Variants in CLPB observed in about 807,000 individuals in gnomAD.
CLPB encodes mitochondrial disaggregase.
In CLPB, 40 loss-of-function variants were observed where a neutral mutation model predicts 78.4. That is an observed-to-expected ratio of 0.51 (90% CI 0.40 to 0.66). The LOEUF (loss-of-function observed/expected upper bound fraction) is 0.66. Ranked by LOEUF, CLPB falls within the 30% of genes least tolerant of loss-of-function variation. The pLI is 0.00. For synonymous variants in CLPB, 333 were observed against 348.0 expected (o/e 0.96, Z 0.48); for missense variants, 780 against 886.9 (o/e 0.88, Z 1.53).
intron 2 of CLPB, among the ~76,000 whole-genome samples, chr11:72,430,070 C>T (rs1474917330): frequency 6.6e-6 from 1 of 152,168 alleles, no homozygotes; most frequent in Non-Finnish European, 1.5e-5. Context: ...CAAACCAACC[C>T]AGTGAAGAAC....
chr11:72,425,635 G>A (rs767440550), intron 2 of CLPB, among the ~76,000 whole-genome samples: 1 of 152,112 alleles, frequency 6.6e-6, no homozygotes, highest in Non-Finnish European at 1.5e-5. Context: ...AGGGACAAAC[G>A]GAGAGTCAAT....
intron 2 of CLPB, among the ~76,000 whole-genome samples, chr11:72,404,192 G>A (rs1855638168): frequency 6.6e-6 from 1 of 152,172 alleles, no homozygotes; most frequent in Non-Finnish European, 1.5e-5. Flanking sequence ...AGTATGACAT[G>A]CACTTGGTCC....
chr11:72,373,182 C>T (rs986325676), intron 4 of CLPB, among the ~76,000 whole-genome samples: 1 of 152,188 alleles, frequency 6.6e-6, no homozygotes, highest in African/African-American at 2.4e-5. Context: ...TCAGCTGCCA[C>T]TTGGAGCTGA....
intron 2 of CLPB, among the ~76,000 whole-genome samples, chr11:72,413,681 C>T (rs1225911125): frequency 2.0e-5 from 3 of 152,202 alleles, no homozygotes; most frequent in African/African-American, 7.2e-5. Flanking sequence ...CAGGACCAAA[C>T]ACTGCATATG....
At chr11:72,342,162 T>G (rs1301887919) in intron 5 of CLPB, among the ~76,000 whole-genome samples, 1 of 152,110 alleles carries the variant, frequency 6.6e-6, no homozygotes, top group Non-Finnish European at 1.5e-5. Context: ...TTGGACGCAT[T>G]GAGGATGAGA....
intron 5 of CLPB, among the ~76,000 whole-genome samples, chr11:72,356,266 G>A (rs1201702031): frequency 7.9e-5 from 11 of 138,440 alleles, no homozygotes; most frequent in South Asian, 4.8e-4. Flanking sequence ...CAATAAGAGC[G>A]AAAATCTGTC....
intron 7 of CLPB, among the ~76,000 whole-genome samples, chr11:72,314,972 G>T (rs1419660889): frequency 1.3e-5 from 2 of 152,176 alleles, no homozygotes; most frequent in Non-Finnish European, 2.9e-5. Flanking sequence ...GTTTTGCAAA[G>T]ATCACTCCAA....
At chr11:72,321,083 GAT>G (rs60429700) in intron 6 of CLPB, among the ~76,000 whole-genome samples, 1 of 151,364 alleles carries the variant, frequency 6.6e-6, no homozygotes. Flanking sequence ...AAATACTTGA[GAT>G]ATATATATAT....
At position 72,317,189 on chromosome 11, in the gene CLPB, T is replaced by G. The variant is rs745539947; in HGVS notation, c.905A>C (p.Glu302Ala). ...YQEKQRKREA[E>A]ERRRFPLEQR... ...CTCCAGGGGGAAGCGGCGCCGCTCC[T>G]CAGCCTCACGCTTCCGCTGCTTCTC... Residue 302 changes from glutamate to alanine, a missense_variant, in exon 7 of 16, where the codon GAG (glutamate) becomes GCG (alanine). Around this residue, in one of 3 missense-constraint regions of CLPB, gnomAD observed 417 missense variants for 414.7 expected, o/e 1.01. Transcript: ENST00000538039. 2 of 1,612,046 alleles carry G rather than the reference T, an allele frequency of 1.2e-6. No homozygotes were observed. The highest frequency in any genetic ancestry group is 1.7e-6 in the Non-Finnish European group (2 of 1,179,444).
intron 3 of CLPB, among the ~76,000 whole-genome samples, chr11:72,382,767 A>C (rs1193551844): frequency 6.6e-6 from 1 of 152,216 alleles, no homozygotes; most frequent in African/African-American, 2.4e-5. Flanking sequence ...CTACTTTTTC[A>C]CATGCTCAGA....
intron 3 of CLPB, among the ~76,000 whole-genome samples, chr11:72,397,778 T>G (rs1420375781): frequency 1.3e-5 from 2 of 152,210 alleles, no homozygotes; most frequent in African/African-American, 4.8e-5. Flanking sequence ...TACAGCTCCT[T>G]TTTTATGAAT....
intron 11 of CLPB, among the ~76,000 whole-genome samples, chr11:72,296,670 C>A (rs1949556308): frequency 6.6e-6 from 1 of 152,216 alleles, no homozygotes; most frequent in Non-Finnish European, 1.5e-5. Context: ...CACAGATGCT[C>A]TGCTTAGTGC....
chr11:72,345,417 G>C (rs1026761747), intron 5 of CLPB, among the ~76,000 whole-genome samples: 1 of 152,072 alleles, frequency 6.6e-6, no homozygotes, highest in African/African-American at 2.4e-5. Context: ...ACTGCAAAGC[G>C]ACATATACAG....
intron 4 of CLPB, among the ~76,000 whole-genome samples, chr11:72,364,503 G>A (rs565732606): frequency 5.9e-5 from 9 of 151,328 alleles, no homozygotes; most frequent in South Asian, 4.2e-4. Context: ...CACTGCGCCC[G>A]GCCAAAAAAT....
In CLPB at chr11:72,408,319, G is replaced by T. The variant is rs1855770389; in HGVS notation, c.456-5267C>A. On this transcript the variant is annotated intron_variant, in intron 2 of 15. Transcript: ENST00000538039. The stretch of plus-strand genomic sequence containing the variant: ...AAGATATTAATCCCTCTTGTGCAAG[G>T]TGGTCGTAAGGATTAAAACAGAATT... 18 of 774,396 alleles carry T rather than the reference G, an allele frequency of 2.3e-5. No individual in the cohort carries two copies. In the East Asian group the frequency reaches 4.9e-4, roughly 21 times the overall value. The allele number at this position is 774,396 out of a possible 1,614,324, so 48.0% of individuals were successfully genotyped here.
chr11:72,430,192 CA>C, intron 2 of CLPB, 119 bp downstream of exon 2: 1 of 920,794 alleles, frequency 1.1e-6, no homozygotes, highest in Non-Finnish European at 1.7e-6. Context: ...AGAGATGTCA[CA>C]GGGGACAGTT....
At chr11:72,374,982 A>AC (rs1854639322) in intron 4 of CLPB, among the ~76,000 whole-genome samples, 2 of 151,968 alleles carry the variant, frequency 1.3e-5, no homozygotes, top group Non-Finnish European at 2.9e-5. Context: ...CTAACTATTC[A>AC]CTCAAATTGG....
At chr11:72,363,089 G>C (rs1418654037) in intron 4 of CLPB, among the ~76,000 whole-genome samples, 1 of 152,108 alleles carries the variant, frequency 6.6e-6, no homozygotes, top group South Asian at 2.1e-4. Context: ...CAGGAAGGCA[G>C]AGGTTGCAGT....
intron 5 of CLPB, among the ~76,000 whole-genome samples, chr11:72,355,849 G>A (rs1349069862): frequency 6.6e-6 from 1 of 152,200 alleles, no homozygotes; most frequent in African/African-American, 2.4e-5. Flanking sequence ...CTAAATCCCT[G>A]AGGACTAAGT....
Sources: allele counts gnomAD v4.1 joint callset (sites outside exome capture counted in the v4.1 genomes callset), GRCh38; gene constraint gnomAD v4.1.1; regional missense constraint gnomAD v4.1.1; transcripts MANE v1.5; gene names NCBI Gene and HGNC (gene_info 2026-07-23, HGNC 2026-07-21).